The following EBF3 variants were observed in gnomAD, a reference collection of about 807,000 sequenced individuals.
EBF3 encodes the protein transcription factor COE3.
EBF3 carries 18 observed loss-of-function variants against 77.1 expected under a neutral mutation model. The observed-to-expected ratio is 0.23, with a 90% CI of 0.16 to 0.35. The LOEUF (loss-of-function observed/expected upper bound fraction) is 0.35, where lower values mean the gene tolerates loss of function less well. Ranked by LOEUF, EBF3 falls within the 10% of genes least tolerant of loss-of-function variation. EBF3 has a pLI of 1.00. For missense variants in EBF3, 558 were observed against 860.0 expected, an observed-to-expected ratio of 0.65 and a Z score of 4.39; for synonymous variants, 350 against 343.5, an observed-to-expected ratio of 1.02 and a Z score of -0.21.
intron 4 of EBF3, among the ~76,000 whole-genome samples, chr10:129,961,096 G>A (rs529798742): frequency 9.2e-5 from 14 of 152,232 alleles, no homozygotes; most frequent in Non-Finnish European, 1.9e-4. Flanking sequence ...AATAAAATGT[G>A]CAAACTAATT....
At chr10:129,853,171 T>C (rs111665591) in intron 10 of EBF3, among the ~76,000 whole-genome samples, 3 of 152,348 alleles carry the variant, frequency 2.0e-5, no homozygotes, top group African/African-American at 7.2e-5. Context: ...AGTTGTGTTT[T>C]TAAAATAGTG....
chr10:129,837,974 G>C lies in EBF3; in HGVS notation c.1873-14C>G, dbSNP rs761091737. 1.9e-6 allele frequency: 3 copies of C among 1,614,032 alleles called. No homozygotes were observed. The highest frequency in any genetic ancestry group is 1.7e-5 in the Admixed American group (1 of 60,024). On this transcript the variant is annotated splice_polypyrimidine_tract_variant and intron_variant, in intron 16 of 16. Transcript: ENST00000440978. ...GCCCAGACATAGCTGCAAGACAGAA[G>C]GACAGAGCAGTTACTGCAGGCTCCC...
At chr10:129,857,782 C>T (rs1851354428) in intron 10 of EBF3, among the ~76,000 whole-genome samples, 1 of 152,128 alleles carries the variant, frequency 6.6e-6, no homozygotes, top group Non-Finnish European at 1.5e-5. Context: ...CCACCTGATA[C>T]CCCCACCATG....
chr10:129,843,844 T>G (rs1367277756), intron 11 of EBF3, among the ~76,000 whole-genome samples: 1 of 152,268 alleles, frequency 6.6e-6, no homozygotes, highest in Non-Finnish European at 1.5e-5. Context: ...CATAAATGCC[T>G]TCACATTCCG....
chr10:129,923,954 T>C (rs914571572), intron 6 of EBF3, among the ~76,000 whole-genome samples: 2 of 152,058 alleles, frequency 1.3e-5, no homozygotes, highest in Non-Finnish European at 2.9e-5. Flanking sequence ...AACGAAATGA[T>C]TCAAAAATGG....
rs1333092984 is a variant in EBF3 at position 129,938,236 on chromosome 10, G to T, written c.554+19022C>A. Among the ~76,000 whole-genome samples, 1 of 151,976 alleles carries T rather than the reference G, an allele frequency of 6.6e-6. No homozygotes were observed. The highest frequency in any genetic ancestry group is 1.5e-5 in the Non-Finnish European group (1 of 68,008). On this transcript the variant is annotated intron_variant, in intron 6 of 16. Transcript: ENST00000440978. This position sits in a 1 kb window ranked among gnomAD's most constrained non-coding sequence, Gnocchi z 5.1. ...TCTGTTCTAGAACGGAAATTAGTGG[G>T]TTTTTTTAAAGTTCATGGCGGGGCC...
At chr10:129,962,267 G>A (rs200628212) in intron 3 of EBF3, 41 bp from the exon 4 acceptor site, 1 of 1,603,652 alleles carries the variant, frequency 6.2e-7, no homozygotes, top group Non-Finnish European at 8.5e-7. Flanking sequence ...GGATTTGAGT[G>A]CTGCACCTCG....
intron 6 of EBF3, among the ~76,000 whole-genome samples, chr10:129,933,063 C>T (rs774627742): frequency 6.6e-6 from 1 of 152,096 alleles, no homozygotes; most frequent in African/African-American, 2.4e-5. Context: ...AGAGAAAGTG[C>T]GGGCGGCAGT....
At chr10:129,887,512 T>C (rs960875128) in intron 6 of EBF3, among the ~76,000 whole-genome samples, 1 of 152,134 alleles carries the variant, frequency 6.6e-6, no homozygotes, top group Non-Finnish European at 1.5e-5. Context: ...AAATGTCAAA[T>C]CAAGAAAAGC....
At position 129,842,665 on chromosome 10, in the gene EBF3, G is replaced by A. The variant is rs1229171321; in HGVS notation, c.1195-372C>T. Reference sequence around the variant, plus strand: ...TGTAATCCCAGCTACTCGGGAGCCTGAGGCAGGAGAATCGCTTGAACCTGG... The same window carrying A: ...TGTAATCCCAGCTACTCGGGAGCCTAAGGCAGGAGAATCGCTTGAACCTGG... On this transcript the variant is annotated intron_variant, in intron 12 of 16. Transcript: ENST00000440978. This position sits in a 1 kb window ranked among gnomAD's most constrained non-coding sequence, Gnocchi z 4.4. Among the ~76,000 whole-genome samples, 1 of 151,802 alleles carries A rather than the reference G, an allele frequency of 6.6e-6. No individual in the cohort carries two copies. The highest frequency in any genetic ancestry group is 1.5e-5 in the Non-Finnish European group (1 of 68,010).
At position 129,912,969 on chromosome 10, in the gene EBF3, T is replaced by G. The variant is rs1314368151; in HGVS notation, c.555-35120A>C. Among the ~76,000 whole-genome samples, 4 of 152,176 alleles carry G rather than the reference T, an allele frequency of 2.6e-5. No individual in the cohort carries two copies. The East Asian group carries it at 7.7e-4, about 29-fold the overall frequency. On this transcript the variant is annotated intron_variant, in intron 6 of 16. Transcript: ENST00000440978. ...AAGTTTACTTCCTTCCAACAACAAA[T>G]AGCAGCTTTGTATCATTCCCCCTTC...
chr10:129,858,556 C>T (rs1203136179), intron 10 of EBF3, among the ~76,000 whole-genome samples: 1 of 152,166 alleles, frequency 6.6e-6, no homozygotes, highest in Non-Finnish European at 1.5e-5. Flanking sequence ...GGATGGCCAT[C>T]AACAAGCATC....
At chr10:129,953,063 GAAAGA>G (rs1383772288) in intron 6 of EBF3, among the ~76,000 whole-genome samples, 1 of 149,662 alleles carries the variant, frequency 6.7e-6, no homozygotes, top group Non-Finnish European at 1.5e-5. Flanking sequence ...GAAGAAGAAA[GAAAGA>G]AAAGAAAGAA....
intron 4 of EBF3, among the ~76,000 whole-genome samples, chr10:129,959,703 T>C (rs1456159023): frequency 6.6e-6 from 1 of 151,770 alleles, no homozygotes; most frequent in East Asian, 2.0e-4. Context: ...GGCAGCGACC[T>C]GGCCTCTGCA....
In EBF3 at chr10:129,880,966, GA is replaced by G. The variant is rs1235099472; in HGVS notation, c.555-3118del. 7.2e-5 allele frequency among the ~76,000 whole-genome samples: 11 copies of G among 152,328 alleles called. No homozygotes were observed. The East Asian group carries it at 2.1e-3, about 29-fold the overall frequency. On this transcript the variant is annotated intron_variant, in intron 6 of 16. Coordinates refer to ENST00000440978, the MANE Select transcript of EBF3 (RefSeq NM_001375380.1). ...GAGCCACACGATTTCAGTGTTTGGGGAGGGGGTGAGAAAATTGAATGCCCAA... is the reference window on the plus strand; with the variant it reads ...GAGCCACACGATTTCAGTGTTTGGGGGGGGGTGAGAAAATTGAATGCCCAA...
Position 129,943,621 on chromosome 10 carries a change from G to A in EBF3, c.554+13637C>T, listed in dbSNP as rs368561689. Among the ~76,000 whole-genome samples the A allele has an allele frequency of 3.2e-4, 49 of 152,264 alleles. No individual in the cohort carries two copies. The highest frequency in any genetic ancestry group is 1.2e-3 in the South Asian group (6 of 4,822). On this transcript the variant is annotated intron_variant, in intron 6 of 16. Transcript: ENST00000440978. The surrounding 1 kb of genome is among the most constrained non-coding windows in gnomAD (Gnocchi z 8.8). Reference sequence around the variant, plus strand: ...CTTGGGAACAAGACAGGTCCCCGGCGTGCACATCCAAAGTTTGAGTGTGTG... The same window carrying A: ...CTTGGGAACAAGACAGGTCCCCGGCATGCACATCCAAAGTTTGAGTGTGTG...
At chr10:129,862,330 T>G (rs1229074753) in intron 10 of EBF3, among the ~76,000 whole-genome samples, 2 of 152,112 alleles carry the variant, frequency 1.3e-5, no homozygotes, top group Non-Finnish European at 2.9e-5. Flanking sequence ...CTGGGAGCGG[T>G]CCAGGTATTC....
chr10:129,896,279 T>C lies in EBF3; in HGVS notation c.555-18430A>G, dbSNP rs541874148. On this transcript the variant is annotated intron_variant, in intron 6 of 16. Coordinates refer to ENST00000440978, the MANE Select transcript of EBF3 (RefSeq NM_001375380.1). ...GCTGCCGGATGTCAGGTGGCCTCAG[T>C]GGTCATAGCAGCCACCATGCAAAAA... 2.4e-4 allele frequency among the ~76,000 whole-genome samples: 37 copies of C among 152,332 alleles called. 2 individuals carry two copies. The South Asian group carries it at 7.2e-3, about 30-fold the overall frequency.
At chr10:129,921,541 C>A (rs1053683066) in intron 6 of EBF3, among the ~76,000 whole-genome samples, 1 of 152,202 alleles carries the variant, frequency 6.6e-6, no homozygotes, top group Non-Finnish European at 1.5e-5. Context: ...CAAGAAAGGG[C>A]AGCAGCCTCC....
Sources: allele counts gnomAD v4.1 joint callset (sites outside exome capture counted in the v4.1 genomes callset), GRCh38; gene constraint gnomAD v4.1.1; non-coding constraint Gnocchi (gnomAD v3.1); transcripts MANE v1.5; gene names NCBI Gene and HGNC (gene_info 2026-07-23, HGNC 2026-07-21).